SKAP2: variants seen among roughly 807,000 people sequenced by gnomAD.
SKAP2 encodes src kinase-associated phosphoprotein 2.
SKAP2 carries 28 observed loss-of-function variants against 54.9 expected under a neutral mutation model. The observed-to-expected ratio is 0.51, with a 90% CI of 0.38 to 0.70. SKAP2 has a LOEUF of 0.70. Among genes scored for constraint, SKAP2 ranks in the 30% least tolerant of loss-of-function variants. The probability of loss-of-function intolerance (pLI) is 0.00; values close to 1 mark genes in which losing one functional copy is unlikely to be tolerated. For synonymous variants in SKAP2, 137 were observed against 134.3 expected, an observed-to-expected ratio of 1.02 and a Z score of -0.14; for missense variants, 356 against 424.1, an observed-to-expected ratio of 0.84 and a Z score of 1.41.
chr7:26,864,084 C>CACACACACACACACA (rs536092948), intron 1 of SKAP2, among the ~76,000 whole-genome samples: 1 of 149,924 alleles, frequency 6.7e-6, no homozygotes, highest in African/African-American at 2.5e-5. Context: ...CACACACACA[C>CACACACACACACACA]CGTCTTCACA....
intron 4 of SKAP2, among the ~76,000 whole-genome samples, chr7:26,773,651 G>A (rs1373803104): frequency 6.6e-6 from 1 of 152,034 alleles, no homozygotes; most frequent in Non-Finnish European, 1.5e-5. Context: ...CATCCACAAG[G>A]CATGAGTCAT....
intron 2 of SKAP2, among the ~76,000 whole-genome samples, 180 bp from the exon 3 acceptor site, chr7:26,854,342 A>T (rs1369107435): frequency 6.6e-6 from 1 of 152,106 alleles, no homozygotes; most frequent in East Asian, 1.9e-4. Flanking sequence ...TAAATAAAAT[A>T]ATTTTTAAGG....
downstream of SKAP2, among the ~76,000 whole-genome samples, chr7:26,664,717 A>C (rs2128081956): frequency 7.1e-6 from 1 of 141,008 alleles, no homozygotes; most frequent in Non-Finnish European, 1.5e-5. Flanking sequence ...AACAAAAAAG[A>C]AAACTGAAAA....
intron 11 of SKAP2, 67 bp from the exon 12 acceptor site, chr7:26,670,259 CT>C (rs1786200668): frequency 6.7e-6 from 5 of 745,592 alleles, no homozygotes; most frequent in Non-Finnish European, 9.7e-6. Context: ...TTGTATGCAA[CT>C]TCTTAGAAAT....
chr7:26,761,338 TA>T (rs1782925224), intron 4 of SKAP2, among the ~76,000 whole-genome samples: 2 of 152,202 alleles, frequency 1.3e-5, no homozygotes, highest in East Asian at 3.8e-4. Flanking sequence ...AATAAGAGCT[TA>T]AAAATGATAA....
chr7:26,853,291 T>G (rs1240472082), intron 3 of SKAP2, among the ~76,000 whole-genome samples: 1 of 152,180 alleles, frequency 6.6e-6, no homozygotes, highest in Non-Finnish European at 1.5e-5. Flanking sequence ...TGTGTCTTCC[T>G]CAAACCCAGA....
chr7:26,759,177 G>A (rs879541771), intron 4 of SKAP2, among the ~76,000 whole-genome samples: 5 of 152,154 alleles, frequency 3.3e-5, no homozygotes, highest in Non-Finnish European at 5.9e-5. Flanking sequence ...CTAAAATCCT[G>A]AAGTTTTAAT....
rs544740408 is a variant in SKAP2, at chr7:26,840,443, G to T, written c.307+3587C>A. Among the ~76,000 whole-genome samples the T allele has an allele frequency of 3.3e-5, 5 of 152,182 alleles. No individual in the cohort carries two copies. The South Asian group carries it at 8.3e-4, about 25-fold the overall frequency. ...CAAATGACAAAAATGAATGAAAAATGATTTCAGAATAGAAAAATGGAAACC... is the reference window on the plus strand; with the variant it reads ...CAAATGACAAAAATGAATGAAAAATTATTTCAGAATAGAAAAATGGAAACC... On this transcript the variant is annotated intron_variant, in intron 4 of 12. Coordinates refer to ENST00000345317, the MANE Select transcript of SKAP2 (RefSeq NM_003930.5).
chr7:26,676,268 T>C (rs1167573667), intron 11 of SKAP2, among the ~76,000 whole-genome samples: 1 of 152,224 alleles, frequency 6.6e-6, no homozygotes, highest in Admixed American at 6.5e-5. Flanking sequence ...TGAGGCCAGA[T>C]ATTCAGGGCA....
chr7:26,814,644 T>C (rs1419382653), intron 4 of SKAP2, among the ~76,000 whole-genome samples: 1 of 151,570 alleles, frequency 6.6e-6, no homozygotes, highest in Non-Finnish European at 1.5e-5. Flanking sequence ...CAACATAGAT[T>C]AACAGATTCT....
At position 26,690,470 on chromosome 7, in the gene SKAP2, T is replaced by A. The variant is rs1250986796; in HGVS notation, c.797-108A>T. 4.6e-6 allele frequency: 3 copies of A among 657,668 alleles called. No individual in the cohort carries two copies. The African/African-American group carries it at 5.6e-5, about 12-fold the overall frequency. The allele number at this position is 657,668 out of a possible 1,614,324, so 40.7% of individuals were successfully genotyped here. Reference sequence around the variant, plus strand: ...ACTAAAAGTTTATAACACATAAACATTATTTTTCAAAGAATAAAATAACTC... The same window carrying A: ...ACTAAAAGTTTATAACACATAAACAATATTTTTCAAAGAATAAAATAACTC... On this transcript the variant is annotated intron_variant, in intron 9 of 12. Coordinates refer to ENST00000345317, the MANE Select transcript of SKAP2 (RefSeq NM_003930.5).
chr7:26,765,482 A>G (rs745462314), intron 4 of SKAP2, among the ~76,000 whole-genome samples: 2 of 152,116 alleles, frequency 1.3e-5, no homozygotes, highest in Non-Finnish European at 2.9e-5. Flanking sequence ...ATTAGATCCC[A>G]TTTGTCAACT....
intron 4 of SKAP2, among the ~76,000 whole-genome samples, chr7:26,802,282 T>G (rs1489490524): frequency 1.7e-4 from 25 of 150,018 alleles, no homozygotes; most frequent in African/African-American, 6.1e-4. Context: ...TTTTGGTTTT[T>G]TTTTTTTTTG....
intron 9 of SKAP2, among the ~76,000 whole-genome samples, chr7:26,701,486 A>G (rs1787021091): frequency 6.6e-6 from 1 of 152,186 alleles, no homozygotes; most frequent in South Asian, 2.1e-4. Context: ...TAATCCCAGC[A>G]CTTTGGGAGG....
intron 4 of SKAP2, among the ~76,000 whole-genome samples, chr7:26,791,407 C>T (rs775799912): frequency 6.6e-6 from 1 of 151,964 alleles, no homozygotes; most frequent in Non-Finnish European, 1.5e-5. Context: ...TACTCCTGGG[C>T]TCAAGCGATC....
chr7:26,858,108 C>A (rs1389361063), intron 1 of SKAP2: 2 of 152,176 alleles, frequency 1.3e-5, no homozygotes, highest in East Asian at 3.9e-4. Flanking sequence ...ATACTGGCCA[C>A]GGGAGAGAAG....
chr7:26,803,289 T>C (rs1783953449), intron 4 of SKAP2, among the ~76,000 whole-genome samples: 1 of 151,922 alleles, frequency 6.6e-6, no homozygotes, highest in Non-Finnish European at 1.5e-5. Flanking sequence ...AGCCTAACAA[T>C]CCAATCAAAA....
At chr7:26,817,095 C>T (rs1784280013) in intron 4 of SKAP2, among the ~76,000 whole-genome samples, 1 of 152,076 alleles carries the variant, frequency 6.6e-6, no homozygotes, top group Admixed American at 6.6e-5. Flanking sequence ...TTTAAATGGA[C>T]ATCAGCATTT....
intron 4 of SKAP2, among the ~76,000 whole-genome samples, chr7:26,748,767 T>C (rs955185490): frequency 1.3e-5 from 2 of 152,090 alleles, no homozygotes; most frequent in Non-Finnish European, 2.9e-5. Flanking sequence ...ATTAAATATA[T>C]ACAATTATGA....
Sources: gnomAD v4.1 joint callset for allele counts (sites outside exome capture counted in the v4.1 genomes callset) on GRCh38, gnomAD v4.1.1 for gene constraint, MANE v1.5 for transcripts, NCBI Gene and HGNC (gene_info 2026-07-23, HGNC 2026-07-21) for gene names.